ZNF804B: variants seen among roughly 807,000 people sequenced by gnomAD.
ZNF804B encodes zinc finger protein 804B.
In ZNF804B, 80 loss-of-function variants were observed where a neutral mutation model predicts 101.4. That is an observed-to-expected ratio of 0.79 (90% CI 0.66 to 0.95). The LOEUF is 0.95. Among genes scored for constraint, ZNF804B ranks in the 40% least tolerant of loss-of-function variants. ZNF804B has a pLI of 0.00. For synonymous variants in ZNF804B, 622 were observed against 558.8 expected, an observed-to-expected ratio of 1.11 and a Z score of -1.59; for missense variants, 1,673 against 1,561.9, an observed-to-expected ratio of 1.07 and a Z score of -1.20.
At chr7:89,033,919 C>A (rs1344211422) in intron 1 of ZNF804B, among the ~76,000 whole-genome samples, 2 of 152,008 alleles carry the variant, frequency 1.3e-5, no homozygotes, top group Non-Finnish European at 2.9e-5. Flanking sequence ...TTTATTGCAT[C>A]ATTTTTCATA....
intron 3 of ZNF804B, among the ~76,000 whole-genome samples, chr7:89,332,311 T>C (rs1466564077): frequency 6.6e-6 from 1 of 151,850 alleles, no homozygotes; most frequent in Non-Finnish European, 1.5e-5. Flanking sequence ...AAAGCACTAC[T>C]CTACATTAGA....
intron 1 of ZNF804B, among the ~76,000 whole-genome samples, chr7:88,780,942 T>C (rs1279038854): frequency 6.6e-6 from 1 of 152,178 alleles, no homozygotes; most frequent in East Asian, 1.9e-4. Context: ...TGTTCATGGG[T>C]ATGAATATTA....
chr7:88,782,657 C>T (rs1048299292), intron 1 of ZNF804B, among the ~76,000 whole-genome samples: 1 of 152,018 alleles, frequency 6.6e-6, no homozygotes, highest in African/African-American at 2.4e-5. Flanking sequence ...GCCTTATTGT[C>T]ATTTATAAAG....
rs180750803 is a variant in ZNF804B, at chr7:89,325,776, A to T, written c.250-1568A>T. Among the ~76,000 whole-genome samples the T allele has an allele frequency of 1.3e-3, 201 of 152,074 alleles. 1 individual carries two copies. Among genetic ancestry groups the T allele is most frequent in the Non-Finnish European group, 1.7e-3 (118 of 67,930 alleles). On this transcript the variant is annotated intron_variant, in intron 2 of 3. Transcript: ENST00000333190. ...AGTATAATATGGGGTATTTATATTC[A>T]GTACTAACAGAGTATTAAAAAAACC... is the stretch of plus-strand genomic sequence containing the variant.
chr7:89,236,449 A>G (rs1789282759), intron 2 of ZNF804B, among the ~76,000 whole-genome samples: 1 of 152,174 alleles, frequency 6.6e-6, no homozygotes, highest in Non-Finnish European at 1.5e-5. Flanking sequence ...TATGAAAATC[A>G]TTAATGGACA....
intron 1 of ZNF804B, among the ~76,000 whole-genome samples, chr7:88,786,400 A>G (rs17370169): frequency 0.041 from 6,247 of 152,190 alleles, 159 homozygotes; most frequent in Non-Finnish European, 0.053. Context: ...CTTTTATTTG[A>G]CTAAAGGAAG....
At chr7:88,948,755 G>A (rs953221055) in intron 1 of ZNF804B, among the ~76,000 whole-genome samples, 1 of 151,670 alleles carries the variant, frequency 6.6e-6, no homozygotes, top group Non-Finnish European at 1.5e-5. Flanking sequence ...CCACCGAAGT[G>A]ACATTATCTT....
chr7:88,941,183 T>C (rs1227340084), intron 1 of ZNF804B, among the ~76,000 whole-genome samples: 1 of 152,028 alleles, frequency 6.6e-6, no homozygotes, highest in East Asian at 1.9e-4. Flanking sequence ...AATGGTACAA[T>C]GACTTTAGGA....
intron 1 of ZNF804B, among the ~76,000 whole-genome samples, chr7:88,836,736 C>T (rs891812314): frequency 8.6e-5 from 13 of 151,818 alleles, no homozygotes; most frequent in African/African-American, 1.5e-4. Context: ...CTATGCAATT[C>T]GCTCTTTCCC....
chr7:88,862,070 A>G (rs1005244764), intron 1 of ZNF804B, among the ~76,000 whole-genome samples: 3 of 152,210 alleles, frequency 2.0e-5, no homozygotes, highest in African/African-American at 7.2e-5. Flanking sequence ...CATGGCTAAG[A>G]AATGAGATGT....
intron 1 of ZNF804B, among the ~76,000 whole-genome samples, chr7:88,854,300 C>A (rs1256058203): frequency 6.6e-6 from 1 of 152,096 alleles, no homozygotes; most frequent in African/African-American, 2.4e-5. Flanking sequence ...TTCACACACA[C>A]AGAAAATAAG....
At chr7:89,229,878 G>T (rs1334917284) in intron 2 of ZNF804B, among the ~76,000 whole-genome samples, 1 of 152,008 alleles carries the variant, frequency 6.6e-6, no homozygotes, top group Non-Finnish European at 1.5e-5. Context: ...AAATCACAAT[G>T]TAATTAAACT....
intron 1 of ZNF804B, among the ~76,000 whole-genome samples, chr7:89,149,011 T>C (rs1262982825): frequency 6.6e-6 from 1 of 152,054 alleles, no homozygotes; most frequent in African/African-American, 2.4e-5. Flanking sequence ...CCTGCAGACT[T>C]AGGCTGATTT....
At chr7:89,052,492 G>T (rs1211141957) in intron 1 of ZNF804B, among the ~76,000 whole-genome samples, 1 of 152,076 alleles carries the variant, frequency 6.6e-6, no homozygotes. Context: ...TATAGATTTT[G>T]AAACTAAGGC....
intron 1 of ZNF804B, among the ~76,000 whole-genome samples, chr7:89,105,282 A>G (rs1440956210): frequency 6.6e-6 from 1 of 152,126 alleles, no homozygotes; most frequent in Admixed American, 6.6e-5. Context: ...AGATAACAAT[A>G]ACCAAGGAAT....
At chr7:89,127,610 A>G (rs1790492799) in intron 1 of ZNF804B, among the ~76,000 whole-genome samples, 1 of 151,800 alleles carries the variant, frequency 6.6e-6, no homozygotes, top group Non-Finnish European at 1.5e-5. Flanking sequence ...AAGAAAAGAA[A>G]AATGTAAGCG....
chr7:88,939,211 A>C (rs1339630255), intron 1 of ZNF804B, among the ~76,000 whole-genome samples: 1 of 152,012 alleles, frequency 6.6e-6, no homozygotes, highest in Non-Finnish European at 1.5e-5. Flanking sequence ...TATCAAATGC[A>C]CTGTATTTGC....
chr7:88,808,136 A>G (rs934637023), intron 1 of ZNF804B, among the ~76,000 whole-genome samples: 1 of 152,150 alleles, frequency 6.6e-6, no homozygotes. Context: ...TCATGCCTGT[A>G]ATCCCAGAAC....
chr7:89,095,186 G>A (rs142429414), intron 1 of ZNF804B, among the ~76,000 whole-genome samples: 233 of 152,098 alleles, frequency 1.5e-3, no homozygotes, highest in African/African-American at 5.1e-3. Context: ...CTTATAAAGG[G>A]ATTTGATGGA....
Sources: gnomAD v4.1 joint callset for allele counts (sites outside exome capture counted in the v4.1 genomes callset) on GRCh38, gnomAD v4.1.1 for gene constraint, MANE v1.5 for transcripts, NCBI Gene and HGNC (gene_info 2026-07-23, HGNC 2026-07-21) for gene names.